The following CCSER1 variants were observed in gnomAD, a reference collection of about 807,000 sequenced individuals.
CCSER1 encodes the protein serine-rich coiled-coil domain-containing protein 1.
A neutral mutation model predicts 82.0 loss-of-function variants in CCSER1; 41 were observed. That is an observed-to-expected ratio of 0.50 (90% CI 0.39 to 0.65). The LOEUF is 0.65. CCSER1 is among the 30% of genes least tolerant of loss of function. CCSER1 has a pLI of 0.00. For synonymous variants in CCSER1, 414 were observed against 383.9 expected (o/e 1.08, Z -0.92); for missense variants, 1,119 against 1,064.2 (o/e 1.05, Z -0.72).
chr4:90,405,071 G>T (rs1366003458), intron 4 of CCSER1, among the ~76,000 whole-genome samples: 2 of 149,836 alleles, frequency 1.3e-5, no homozygotes, highest in Non-Finnish European at 1.5e-5. Flanking sequence ...AATGAAGGAG[G>T]CACCAGAGAA....
intron 6 of CCSER1, among the ~76,000 whole-genome samples, chr4:90,655,247 A>G (rs1350787642): frequency 6.6e-6 from 1 of 152,034 alleles, no homozygotes; most frequent in African/African-American, 2.4e-5. Context: ...ATAAAGTTTT[A>G]TAATAGGATC....
chr4:90,506,759 C>T (rs1396670725), intron 5 of CCSER1, among the ~76,000 whole-genome samples: 45 of 144,982 alleles, frequency 3.1e-4, no homozygotes, highest in East Asian at 4.0e-4. Flanking sequence ...AGTGAGACTC[C>T]GTGTCCAAAA....
In CCSER1 at chr4:90,259,489, C is replaced by T. The variant is rs192204034; in HGVS notation, c.-41-48755C>T. 3.3e-5 allele frequency among the ~76,000 whole-genome samples: 5 copies of T among 152,106 alleles called. No individual in the cohort carries two copies. The East Asian group carries it at 9.7e-4, about 29-fold the overall frequency. On this transcript the variant is annotated intron_variant, in intron 1 of 10. Transcript: ENST00000509176. ...TCTTTCTCTTGCCTAATTGCTCTGG[C>T]TAAGACTTCCTGTACTATGTTGAAT...
chr4:91,084,823 T>A (rs1723197186), intron 9 of CCSER1, among the ~76,000 whole-genome samples: 2 of 152,068 alleles, frequency 1.3e-5, no homozygotes, highest in South Asian at 4.1e-4. Flanking sequence ...AATGGTTTAG[T>A]TAATATGTAT....
intron 6 of CCSER1, among the ~76,000 whole-genome samples, chr4:90,672,316 A>G (rs568540287): frequency 6.6e-6 from 1 of 152,150 alleles, no homozygotes; most frequent in African/African-American, 2.4e-5. Flanking sequence ...CAGCATCTTC[A>G]TCAACACTTA....
intron 9 of CCSER1, among the ~76,000 whole-genome samples, chr4:90,943,723 A>G (rs897170427): frequency 1.8e-4 from 18 of 99,198 alleles, no homozygotes; most frequent in Admixed American, 3.3e-4. Flanking sequence ...CCACTGTGCC[A>G]GGCTAATTTT....
chr4:91,365,281 A>C (rs1749531880), intron 10 of CCSER1, among the ~76,000 whole-genome samples: 1 of 152,194 alleles, frequency 6.6e-6, no homozygotes, highest in Admixed American at 6.5e-5. Flanking sequence ...ATGCATACAA[A>C]CTTACTCATT....
intron 10 of CCSER1, among the ~76,000 whole-genome samples, chr4:91,109,576 A>C (rs1412162611): frequency 6.6e-6 from 1 of 152,158 alleles, no homozygotes; most frequent in Non-Finnish European, 1.5e-5. Context: ...AAAGAATATG[A>C]CTTTTTTAAT....
intron 9 of CCSER1, among the ~76,000 whole-genome samples, chr4:90,997,436 A>G (rs1435458779): frequency 6.6e-6 from 1 of 152,070 alleles, no homozygotes; most frequent in East Asian, 1.9e-4. Flanking sequence ...TAATATTCCT[A>G]TCCTAGGGTT....
At chr4:91,529,097 T>C (rs2110162900) in intron 10 of CCSER1, among the ~76,000 whole-genome samples, 1 of 152,254 alleles carries the variant, frequency 6.6e-6, no homozygotes, top group East Asian at 1.9e-4. Context: ...AATCATTCCC[T>C]TGAATGACCC....
At chr4:91,539,355 G>A (rs76809821) in intron 10 of CCSER1, among the ~76,000 whole-genome samples, 10,590 of 151,878 alleles carry the variant, frequency 0.07, 554 homozygotes, top group South Asian at 0.16. Flanking sequence ...CCCTTCTGAC[G>A]CTTAAACTTA....
At chr4:90,807,118 T>C (rs1477102424) in intron 7 of CCSER1, among the ~76,000 whole-genome samples, 1 of 152,162 alleles carries the variant, frequency 6.6e-6, no homozygotes, top group Non-Finnish European at 1.5e-5. Context: ...ACTAAAGAAG[T>C]TAAGTAACTA....
intron 10 of CCSER1, among the ~76,000 whole-genome samples, chr4:91,574,807 T>C (rs1395088730): frequency 1.3e-5 from 2 of 152,146 alleles, no homozygotes; most frequent in East Asian, 3.9e-4. Context: ...ACGTGGATTA[T>C]GGGATCATTT....
chr4:90,386,264 T>C (rs957057491), intron 3 of CCSER1, among the ~76,000 whole-genome samples: 2 of 152,180 alleles, frequency 1.3e-5, no homozygotes, highest in African/African-American at 4.8e-5. Flanking sequence ...TTTACAAGGC[T>C]ATAGTAGCCC....
At chr4:90,743,621 T>C (rs1746919919) in intron 7 of CCSER1, among the ~76,000 whole-genome samples, 1 of 152,198 alleles carries the variant, frequency 6.6e-6, no homozygotes, top group South Asian at 2.1e-4. Context: ...TAGGACCTGC[T>C]TAACAAGAAA....
intron 10 of CCSER1, among the ~76,000 whole-genome samples, chr4:91,356,920 A>G (rs1444412591): frequency 2.0e-5 from 3 of 152,190 alleles, no homozygotes; most frequent in Non-Finnish European, 4.4e-5. Context: ...CATACAGCCC[A>G]CGCCTGGTCG....
chr4:90,260,096 C>CTTCT (rs1017350952), intron 1 of CCSER1, among the ~76,000 whole-genome samples: 5 of 152,108 alleles, frequency 3.3e-5, no homozygotes, highest in African/African-American at 1.2e-4. Context: ...TGGTCCTGTA[C>CTTCT]TTCTTTTCAC....
At chr4:90,855,738 AACTC>A (rs1417962985) in intron 8 of CCSER1, among the ~76,000 whole-genome samples, 2 of 152,126 alleles carry the variant, frequency 1.3e-5, no homozygotes, top group Non-Finnish European at 2.9e-5. Flanking sequence ...ACTATTTACT[AACTC>A]TGTATCTTAA....
chr4:90,702,805 G>A (rs934505360), intron 6 of CCSER1, among the ~76,000 whole-genome samples: 5 of 152,032 alleles, frequency 3.3e-5, no homozygotes, highest in African/African-American at 1.2e-4. Context: ...ATTTCTGTGG[G>A]ATCATTGGCA....
Sources: gnomAD v4.1 joint callset for allele counts (sites outside exome capture counted in the v4.1 genomes callset) on GRCh38, gnomAD v4.1.1 for gene constraint, MANE v1.5 for transcripts, NCBI Gene and HGNC (gene_info 2026-07-23, HGNC 2026-07-21) for gene names.